SLC35F1: variants seen among roughly 807,000 people sequenced by gnomAD.
The protein encoded by SLC35F1 is solute carrier family 35 member F1, also known as chromosome 6 open reading frame 169.
SLC35F1 carries 14 observed loss-of-function variants against 48.7 expected under a neutral mutation model. The observed-to-expected ratio is 0.29, with a 90% CI of 0.19 to 0.45. The LOEUF is 0.45. Ranked by LOEUF, SLC35F1 falls within the 20% of genes least tolerant of loss-of-function variation. The pLI is 1.00. For missense variants in SLC35F1, 404 were observed against 500.0 expected (o/e 0.81, Z 1.83); for synonymous variants, 190 against 202.2 (o/e 0.94, Z 0.51).
At chr6:118,174,759 C>G (rs1211893948) in intron 2 of SLC35F1, among the ~76,000 whole-genome samples, 1 of 151,558 alleles carries the variant, frequency 6.6e-6, no homozygotes, top group Non-Finnish European at 1.5e-5. Context: ...TGTCAAACTT[C>G]TAAAAAACAA....
At chr6:118,298,693 A>G (rs530155291) in intron 7 of SLC35F1, among the ~76,000 whole-genome samples, 14 of 152,318 alleles carry the variant, frequency 9.2e-5, no homozygotes, top group Middle Eastern at 3.4e-3. Flanking sequence ...TCTGGTAGGT[A>G]ATGCTGGGTT....
intron 1 of SLC35F1, among the ~76,000 whole-genome samples, chr6:118,108,150 TCA>T (rs924140903): frequency 6.6e-6 from 1 of 151,618 alleles, no homozygotes; most frequent in Non-Finnish European, 1.5e-5. Context: ...AATATTTGAT[TCA>T]CACACACACA....
intron 1 of SLC35F1, among the ~76,000 whole-genome samples, chr6:117,939,972 G>A (rs1387363057): frequency 6.6e-6 from 1 of 152,174 alleles, no homozygotes; most frequent in African/African-American, 2.4e-5. Context: ...CATGACTTCA[G>A]TTGTCTTCAT....
intron 1 of SLC35F1, among the ~76,000 whole-genome samples, chr6:118,104,062 T>G (rs558983487): frequency 3.8e-4 from 58 of 152,156 alleles, no homozygotes; most frequent in African/African-American, 1.3e-3. Context: ...CTCAGAAATA[T>G]GCCAGGTTTT....
chr6:117,940,997 C>T (rs1043379437), intron 1 of SLC35F1, among the ~76,000 whole-genome samples: 13 of 152,060 alleles, frequency 8.5e-5, no homozygotes, highest in Admixed American at 8.5e-4. Context: ...AACTTCTCTT[C>T]AAAATACAAA....
intron 1 of SLC35F1, among the ~76,000 whole-genome samples, chr6:118,060,421 A>C (rs948232836): frequency 2.0e-5 from 3 of 151,870 alleles, no homozygotes; most frequent in Non-Finnish European, 4.4e-5. Context: ...TATGTATATA[A>C]ATATATTAAT....
In SLC35F1 at chr6:118,317,559, TA is replaced by T. The variant is rs1216487703; in HGVS notation, c.*3309del. 1.3e-4 allele frequency: 20 copies of T among 152,326 alleles called. No homozygotes were observed. The highest frequency in any genetic ancestry group is 4.3e-4 in the African/African-American group (18 of 41,572). 9.4% of individuals were successfully genotyped at this position (152,326 alleles called of 1,614,324 possible). A position where few individuals can be genotyped will look rare whatever the true frequency, so the allele number is the denominator to read the frequency against. On this transcript the variant is annotated 3_prime_UTR_variant, in exon 8 of 8. Transcript: ENST00000360388. ...ACGAACCAAAAAAAAGTTACACCGATAAGTTCAACAAACTGTCCATTTTTGA... is the reference window on the plus strand; with the variant it reads ...ACGAACCAAAAAAAAGTTACACCGATAGTTCAACAAACTGTCCATTTTTGA...
At chr6:118,081,467 C>T (rs1448879041) in intron 1 of SLC35F1, among the ~76,000 whole-genome samples, 5 of 150,068 alleles carry the variant, frequency 3.3e-5, no homozygotes, top group Non-Finnish European at 7.4e-5. Context: ...TCCATTGCTA[C>T]AAAAAATTTT....
chr6:118,150,917 C>G (rs1184809746), intron 1 of SLC35F1, among the ~76,000 whole-genome samples: 1 of 152,108 alleles, frequency 6.6e-6, no homozygotes, highest in Non-Finnish European at 1.5e-5. Context: ...TCACTACTAG[C>G]TATCCCCTCC....
intron 1 of SLC35F1, among the ~76,000 whole-genome samples, chr6:118,126,744 T>C (rs1773632115): frequency 6.6e-6 from 1 of 151,738 alleles, no homozygotes; most frequent in Non-Finnish European, 1.5e-5. Flanking sequence ...TTTGAAGCAA[T>C]TGTGAATGGG....
At chr6:118,119,615 TGCCTCA>T (rs937902435) in intron 1 of SLC35F1, among the ~76,000 whole-genome samples, 8 of 151,150 alleles carry the variant, frequency 5.3e-5, no homozygotes, top group African/African-American at 1.9e-4. Context: ...GCGATTCTCC[TGCCTCA>T]GCCTCCTGAG....
chr6:118,069,706 T>C (rs944354388), intron 1 of SLC35F1, among the ~76,000 whole-genome samples: 1 of 152,248 alleles, frequency 6.6e-6, no homozygotes, highest in Non-Finnish European at 1.5e-5. Flanking sequence ...ATTATACTTA[T>C]TTACCAGTTC....
chr6:118,251,251 A>G (rs1471526296), intron 3 of SLC35F1, among the ~76,000 whole-genome samples: 2 of 152,092 alleles, frequency 1.3e-5, no homozygotes, highest in Non-Finnish European at 2.9e-5. Context: ...TGAATAAATG[A>G]GTCAAGAAAG....
rs1775711515 is a variant in SLC35F1 at position 117,907,850 on chromosome 6, G to T, written c.124G>T (p.Ala42Ser). ...CAGCGGCGGCGGCGGGAGCCTGTCC[G>T]CCTCCTCCCGGGCTGGCGTGCGCCA... Reference protein sequence around the residue: ...EGSGGGGSLSASSRAGVRQRI... With the variant: ...EGSGGGGSLSSSSRAGVRQRI... The change falls in exon 1 of 8, where the codon GCC (alanine) becomes TCC (serine). Residue 42 changes from alanine to serine, a missense_variant. Physicochemically the swap from Ala to Ser is moderately conservative, Grantham distance 99. This residue lies in a region of SLC35F1 where 98 missense variants were observed against 81.0 expected (regional missense o/e 1.21). Transcript: ENST00000360388. The T allele has an allele frequency of 1.3e-6, 2 of 1,534,878 alleles. No individual in the cohort carries two copies. Among genetic ancestry groups the T allele is most frequent in the African/African-American group, 1.4e-5 (1 of 70,084 alleles).
rs1777397588 is a variant in SLC35F1 at position 118,021,711 on chromosome 6, GACA to G, written c.173+113820_173+113822del. On this transcript the variant is annotated intron_variant, in intron 1 of 7. Coordinates refer to ENST00000360388, the MANE Select transcript of SLC35F1 (RefSeq NM_001029858.4). ...ACCATCCCAAGACATAATGGCTTAA[GACA>G]ACAACAATTTTATTGGCGCATGATT... 4.6e-5 allele frequency among the ~76,000 whole-genome samples: 7 copies of G among 152,298 alleles called. 1 individual carries two copies. The South Asian group carries it at 1.5e-3, about 32-fold the overall frequency.
intron 1 of SLC35F1, among the ~76,000 whole-genome samples, chr6:117,955,511 C>T (rs1776417172): frequency 6.6e-6 from 1 of 152,176 alleles, no homozygotes; most frequent in South Asian, 2.1e-4. Flanking sequence ...TGTATTGTGT[C>T]TGGCTTCAAG....
At chr6:118,287,311 C>T (rs115850925) in intron 7 of SLC35F1, among the ~76,000 whole-genome samples, 1,724 of 152,292 alleles carry the variant, frequency 0.011, 31 homozygotes, top group African/African-American at 0.04. Context: ...TTCAGTTAAG[C>T]ATCCACATCT....
chr6:117,916,838 CT>C (rs34087860), intron 1 of SLC35F1, among the ~76,000 whole-genome samples: 57,926 of 152,066 alleles, frequency 0.38, 13,093 homozygotes, highest in South Asian at 0.63. Flanking sequence ...ACCTCAAGCT[CT>C]GAGGAGCACA....
Position 117,907,672 on chromosome 6 carries a change from C to A in SLC35F1, c.-55C>A. The stretch of plus-strand genomic sequence containing the variant: ...TGCGCGTTCCCGGGCCCGGAACCGG[C>A]ACACGATGCACCCGGCTGCGTTCTG... On this transcript the variant is annotated 5_prime_UTR_variant, in exon 1 of 8. Transcript: ENST00000360388. The A allele has an allele frequency of 1.7e-6, 2 of 1,145,302 alleles. No homozygotes were observed. The highest frequency in any genetic ancestry group is 2.4e-6 in the Non-Finnish European group (2 of 833,638). 70.9% of individuals were successfully genotyped at this position (1,145,302 alleles called of 1,614,324 possible). A position where few individuals can be genotyped will look rare whatever the true frequency, so the allele number is the denominator to read the frequency against.
Sources: gnomAD v4.1 joint callset for allele counts (sites outside exome capture counted in the v4.1 genomes callset) on GRCh38, gnomAD v4.1.1 for gene constraint, gnomAD v4.1.1 regional missense constraint, MANE v1.5 for transcripts, NCBI Gene and HGNC (gene_info 2026-07-23, HGNC 2026-07-21) for gene names.